Variants in WFDC12 observed in about 807,000 individuals in gnomAD.
The protein encoded by WFDC12 is WAP four-disulfide core domain protein 12.
Under a neutral mutation model 7.3 loss-of-function variants are expected in WFDC12, and 4 were observed. The observed-to-expected ratio is 0.55, with a 90% confidence interval of 0.27 to 1.25. WFDC12 has a LOEUF of 1.25. Among genes scored for constraint, WFDC12 ranks in the 50% most tolerant of loss-of-function variants. The probability of loss-of-function intolerance (pLI) is 0.12; values close to 1 mark genes in which losing one functional copy is unlikely to be tolerated. For missense variants in WFDC12, 156 were observed against 134.4 expected (o/e 1.16, Z -0.80); for synonymous variants, 48 against 49.5 (o/e 0.97, Z 0.13).
Position 45,124,128 on chromosome 20 carries a change from G to C in WFDC12, c.217C>G (p.Pro73Ala), listed in dbSNP as rs199650584. 1.0e-4 allele frequency: 162 copies of C among 1,614,124 alleles called. No homozygotes were observed. The East Asian group carries it at 3.6e-3, about 36-fold the overall frequency. ...TTACCTTCTTCCAGTTCCTTCACAG[G>C]AATCACACACTTGAAGCCACAGTGC... ...YLHCGFKCVIPVKELEEGGNK... is the reference protein window; with the variant it reads ...YLHCGFKCVIAVKELEEGGNK... Residue 73 changes from proline (P) to alanine (A), a missense_variant, in exon 2 of 3, where the codon CCT (proline) becomes GCT (alanine). Transcript: ENST00000372785.
At position 45,123,646 on chromosome 20, in the gene WFDC12, G is replaced by A. The variant is rs1981918784; in HGVS notation, c.*200C>T. On this transcript the variant is annotated 3_prime_UTR_variant, in exon 3 of 3. Transcript: ENST00000372785. ...GGGGTCCATTCATGAGCATTAGGGA[G>A]GAGCACCAGGTAGAGAGGGAAAGTA... 6.5e-6 allele frequency: 4 copies of A among 618,708 alleles called. No individual in the cohort carries two copies. Among genetic ancestry groups the A allele is most frequent in the African/African-American group, 1.8e-5 (1 of 54,292 alleles). 38.3% of individuals were successfully genotyped at this position (618,708 alleles called of 1,614,324 possible).
Position 45,123,691 on chromosome 20 carries a change from T to C in WFDC12, c.*155A>G. The C allele has an allele frequency of 1.2e-6, 1 of 804,428 alleles. No individual in the cohort carries two copies. 49.8% of individuals were successfully genotyped at this position (804,428 alleles called of 1,614,324 possible). Reference sequence around the variant, plus strand: ...AAAGTACCGTCCCTGGGGTCTGGACTTTTTGTGACTCTTCCCTCTTTTTGG... The same window carrying C: ...AAAGTACCGTCCCTGGGGTCTGGACCTTTTGTGACTCTTCCCTCTTTTTGG... On this transcript the variant is annotated 3_prime_UTR_variant, in exon 3 of 3. Transcript: ENST00000372785.
At position 45,123,530 on chromosome 20, in the gene WFDC12, T is replaced by C; in HGVS notation, c.*316A>G. ...ATCTGGTGAGGACCAGTTTCTCTTCTCTGACAGTGCCTTCTAGCTGTGATC... is the reference window on the plus strand; with the variant it reads ...ATCTGGTGAGGACCAGTTTCTCTTCCCTGACAGTGCCTTCTAGCTGTGATC... On this transcript the variant is annotated 3_prime_UTR_variant, in exon 3 of 3. Transcript: ENST00000372785. 2.9e-6 allele frequency: 1 copy of C among 348,230 alleles called. No individual in the cohort carries two copies. The highest frequency in any genetic ancestry group is 3.9e-5 in the South Asian group (1 of 25,492). 21.6% of individuals were successfully genotyped at this position (348,230 alleles called of 1,614,324 possible). A position where few individuals can be genotyped will look rare whatever the true frequency, so the allele number is the denominator to read the frequency against.
In WFDC12 at chr20:45,124,154, A is replaced by C; in HGVS notation, c.191T>G (p.Leu64Arg). 2 of 1,614,202 alleles carry C rather than the reference A, an allele frequency of 1.2e-6. No individual in the cohort carries two copies. The highest frequency in any genetic ancestry group is 1.7e-6 in the Non-Finnish European group (2 of 1,180,038). ...DCLGERKCCY[L>R]HCGFKCVIPV... ...AATCACACACTTGAAGCCACAGTGCAGGTAACAACACTTCCTTTCCCCCAG... is the reference window on the plus strand; with the variant it reads ...AATCACACACTTGAAGCCACAGTGCCGGTAACAACACTTCCTTTCCCCCAG... The change falls in exon 2 of 3, where the codon CTG (leucine) becomes CGG (arginine). Residue 64 changes from leucine (L) to arginine (R), a missense_variant. Leu to Arg is a moderately radical substitution (Grantham distance 102). Transcript: ENST00000372785.
rs1454726401 is a variant in WFDC12, at chr20:45,123,803, G to A, written c.*43C>T. The A allele has an allele frequency of 6.3e-7, 1 of 1,593,202 alleles. No homozygotes were observed. The highest frequency in any genetic ancestry group is 8.6e-7 in the Non-Finnish European group (1 of 1,162,958). On this transcript the variant is annotated 3_prime_UTR_variant, in exon 3 of 3. Coordinates refer to ENST00000372785, the MANE Select transcript of WFDC12 (RefSeq NM_080869.2). Reference sequence around the variant, plus strand: ...CAAGTCTCAGGACCCTCAGGGGCAGGTGCCAAGTGAGAGTGACCCCCAGAG... The same window carrying A: ...CAAGTCTCAGGACCCTCAGGGGCAGATGCCAAGTGAGAGTGACCCCCAGAG...
chr20:45,124,152 G>A lies in WFDC12; in HGVS notation c.193C>T (p.His65Tyr), dbSNP rs1168451134. Residue 65 changes from histidine to tyrosine, a missense_variant, in exon 2 of 3, where the codon CAC becomes TAC. Transcript: ENST00000372785. ...CLGERKCCYL[H>Y]CGFKCVIPVK... is the part of the protein sequence containing the mutation. ...GGAATCACACACTTGAAGCCACAGT[G>A]CAGGTAACAACACTTCCTTTCCCCC... 2 of 1,614,094 alleles carry A rather than the reference G, an allele frequency of 1.2e-6. No homozygotes were observed. Among genetic ancestry groups the A allele is most frequent in the East Asian group, 2.2e-5 (1 of 44,896 alleles).
rs367809590 is a variant in WFDC12, at chr20:45,124,409, G to A, written c.39C>T (p.Leu13=). Residue 13 remains leucine, a synonymous_variant, in exon 1 of 3, where the codon CTC becomes CTT. Transcript: ENST00000372785. The part of the protein sequence containing the change: ...SSSFLVLMVS[L]VLVTLVAVEG... ...CCACAGCCACCAGGGTCACAAGAAC[G>A]AGAGACACCATGAGGACCAAGAAGC... is the stretch of plus-strand genomic sequence containing the variant. The A allele has an allele frequency of 6.1e-5, 99 of 1,614,126 alleles. No homozygotes were observed. In the African/African-American group the frequency reaches 1.1e-3, roughly 18 times the overall value.
At position 45,123,733 on chromosome 20, in the gene WFDC12, C is replaced by G. The variant is rs746543216; in HGVS notation, c.*113G>C. The stretch of plus-strand genomic sequence containing the variant: ...TCTTTTTGGGGAAAAGGACTTCAAG[C>G]TCAGGTTTTCTTTGGTGGGGTTGGG... On this transcript the variant is annotated 3_prime_UTR_variant, in exon 3 of 3. Coordinates refer to ENST00000372785, the MANE Select transcript of WFDC12 (RefSeq NM_080869.2). The G allele has an allele frequency of 7.0e-5, 79 of 1,135,396 alleles. No homozygotes were observed. Among genetic ancestry groups the G allele is most frequent in the Non-Finnish European group, 9.3e-5 (72 of 773,002 alleles). 70.3% of individuals were successfully genotyped at this position (1,135,396 alleles called of 1,614,324 possible).
At position 45,124,236 on chromosome 20, in the gene WFDC12, C is replaced by G; in HGVS notation, c.109G>C (p.Asp37His). The G allele has an allele frequency of 6.2e-7, 1 of 1,614,152 alleles. No individual in the cohort carries two copies. Among genetic ancestry groups the G allele is most frequent in the South Asian group, 1.1e-5 (1 of 91,082 alleles). The change falls in exon 2 of 3, where the codon GAC (aspartate) becomes CAC (histidine). Residue 37 changes from aspartate to histidine, a missense_variant. Physicochemically the swap from Asp to His is moderately conservative, Grantham distance 81. Transcript: ENST00000372785. ...TCGGACTTGAAGCAGCGTACGTTGTCAGCTGGGCAAACCCCTGCTTTCTCT... is the reference window on the plus strand; with the variant it reads ...TCGGACTTGAAGCAGCGTACGTTGTGAGCTGGGCAAACCCCTGCTTTCTCT... ...GIEKAGVCPA[D>H]NVRCFKSDPP...
chr20:45,124,408 CGA>C lies in WFDC12; in HGVS notation c.38_39del (p.Leu13ArgfsTer12). The C allele has an allele frequency of 6.2e-7, 1 of 1,614,176 alleles. No homozygotes were observed. The highest frequency in any genetic ancestry group is 8.5e-7 in the Non-Finnish European group (1 of 1,180,038). ...SSSFLVLMVS[L>X]VLVTLVAVEG... Reference sequence around the variant, plus strand: ...TCCACAGCCACCAGGGTCACAAGAACGAGAGACACCATGAGGACCAAGAAGCT... The same window carrying C: ...TCCACAGCCACCAGGGTCACAAGAACGAGACACCATGAGGACCAAGAAGCT... On this transcript the variant is annotated frameshift_variant, in exon 1 of 3. Transcript: ENST00000372785. LOFTEE classifies it high-confidence loss of function.
rs1981926868 is a variant in WFDC12 at position 45,123,955 on chromosome 20, G to A, written c.239-12C>T. 1 of 1,605,800 alleles carries A rather than the reference G, an allele frequency of 6.2e-7. No individual in the cohort carries two copies. Among genetic ancestry groups the A allele is most frequent in the Non-Finnish European group, 8.5e-7 (1 of 1,175,698 alleles). On this transcript the variant is annotated splice_polypyrimidine_tract_variant and intron_variant, in intron 2 of 2. Coordinates refer to ENST00000372785, the MANE Select transcript of WFDC12 (RefSeq NM_080869.2). The stretch of plus-strand genomic sequence containing the variant: ...ATCCTTGTTTCCTCCTTTGGACAAT[G>A]GAGATGTTCAGACTAGGTGGTCTCT...
Position 45,124,279 on chromosome 20 carries a change from C to A in WFDC12, c.80-14G>T. Reference sequence around the variant, plus strand: ...CTTTCTCTATACCTAGTGGAGGAAGCCACAAGGTGATATGAGAACTCCAGC... The same window carrying A: ...CTTTCTCTATACCTAGTGGAGGAAGACACAAGGTGATATGAGAACTCCAGC... On this transcript the variant is annotated splice_polypyrimidine_tract_variant and intron_variant, in intron 1 of 2. Coordinates refer to ENST00000372785, the MANE Select transcript of WFDC12 (RefSeq NM_080869.2). The A allele has an allele frequency of 1.2e-6, 2 of 1,614,052 alleles. No individual in the cohort carries two copies. Among genetic ancestry groups the A allele is most frequent in the Non-Finnish European group, 1.7e-6 (2 of 1,179,950 alleles).
Position 45,124,189 on chromosome 20 carries a change from G to A in WFDC12, c.156C>T (p.Asp52=). Residue 52 remains aspartate, a synonymous_variant, in exon 2 of 3, where the codon GAC becomes GAT. Transcript: ENST00000372785. Reference sequence around the variant, plus strand: ...ACTTCCTTTCCCCCAGACAGTCCTGGTCTGTGTGACACTGGGGAGGATCGG... The same window carrying A: ...ACTTCCTTTCCCCCAGACAGTCCTGATCTGTGTGACACTGGGGAGGATCGG... ...FKSDPPQCHT[D]QDCLGERKCC... 6.2e-7 allele frequency: 1 copy of A among 1,614,178 alleles called. No individual in the cohort carries two copies. The highest frequency in any genetic ancestry group is 8.5e-7 in the Non-Finnish European group (1 of 1,180,042).
At position 45,124,390 on chromosome 20, in the gene WFDC12, C is replaced by T; in HGVS notation, c.58G>A (p.Ala20Thr). The change falls in exon 1 of 3, where the codon GCT (alanine) becomes ACT (threonine). Residue 20 changes from alanine (A) to threonine (T), a missense_variant. Ala to Thr is a moderately conservative substitution (Grantham distance 58). Coordinates refer to ENST00000372785, the MANE Select transcript of WFDC12 (RefSeq NM_080869.2). ...MVSLVLVTLV[A>T]VEGVKEGIEK... ...TCACCCTCTTTAACTCCTTCCACAGCCACCAGGGTCACAAGAACGAGAGAC... is the reference window on the plus strand; with the variant it reads ...TCACCCTCTTTAACTCCTTCCACAGTCACCAGGGTCACAAGAACGAGAGAC... 1 of 1,614,242 alleles carries T rather than the reference C, an allele frequency of 6.2e-7. No individual in the cohort carries two copies. The highest frequency in any genetic ancestry group is 8.5e-7 in the Non-Finnish European group (1 of 1,180,048).
At position 45,123,541 on chromosome 20, in the gene WFDC12, C is replaced by T; in HGVS notation, c.*305G>A. ...ACCAGTTTCTCTTCTCTGACAGTGC[C>T]TTCTAGCTGTGATCACACATTGCAG... On this transcript the variant is annotated 3_prime_UTR_variant, in exon 3 of 3. Transcript: ENST00000372785. The T allele has an allele frequency of 2.5e-6, 1 of 398,898 alleles. No individual in the cohort carries two copies. Among genetic ancestry groups the T allele is most frequent in the South Asian group, 3.1e-5 (1 of 32,602 alleles). 24.7% of individuals were successfully genotyped at this position (398,898 alleles called of 1,614,324 possible).
chr20:45,124,238 G>A lies in WFDC12; in HGVS notation c.107C>T (p.Ala36Val), dbSNP rs2145536228. 1 of 1,614,196 alleles carries A rather than the reference G, an allele frequency of 6.2e-7. No homozygotes were observed. The highest frequency in any genetic ancestry group is 2.2e-5 in the East Asian group (1 of 44,882). ...EGIEKAGVCPADNVRCFKSDP... is the reference protein window; with the variant it reads ...EGIEKAGVCPVDNVRCFKSDP... Reference sequence around the variant, plus strand: ...GGACTTGAAGCAGCGTACGTTGTCAGCTGGGCAAACCCCTGCTTTCTCTAT... The same window carrying A: ...GGACTTGAAGCAGCGTACGTTGTCAACTGGGCAAACCCCTGCTTTCTCTAT... Residue 36 changes from alanine to valine, a missense_variant, in exon 2 of 3, where the codon GCT becomes GTT. By Grantham distance (64) the Ala-to-Val change is moderately conservative (BLOSUM62 0). Coordinates refer to ENST00000372785, the MANE Select transcript of WFDC12 (RefSeq NM_080869.2).
chr20:45,123,888 G>A lies in WFDC12; in HGVS notation c.294C>T (p.Ala98=). 1 of 1,613,514 alleles carries A rather than the reference G, an allele frequency of 6.2e-7. No homozygotes were observed. The highest frequency in any genetic ancestry group is 1.7e-5 in the Admixed American group (1 of 60,012). ...TGGTAGAGGAGGAGCCTGGACACTT[G>A]GCCTCCCATCCTGGCTCAGGGTATG... The part of the protein sequence containing the change: ...SRPYPEPGWE[A]KCPGSSSTRC... The change falls in exon 3 of 3, where the codon GCC becomes GCT. Residue 98 remains alanine (A), a synonymous_variant. Transcript: ENST00000372785.
chr20:45,123,726 C>T lies in WFDC12; in HGVS notation c.*120G>A. On this transcript the variant is annotated 3_prime_UTR_variant, in exon 3 of 3. Coordinates refer to ENST00000372785, the MANE Select transcript of WFDC12 (RefSeq NM_080869.2). Reference sequence around the variant, plus strand: ...TCTTCCCTCTTTTTGGGGAAAAGGACTTCAAGCTCAGGTTTTCTTTGGTGG... The same window carrying T: ...TCTTCCCTCTTTTTGGGGAAAAGGATTTCAAGCTCAGGTTTTCTTTGGTGG... The T allele has an allele frequency of 9.2e-7, 1 of 1,085,760 alleles. No homozygotes were observed. Among genetic ancestry groups the T allele is most frequent in the Non-Finnish European group, 1.4e-6 (1 of 732,604 alleles). The allele number at this position is 1,085,760 out of a possible 1,614,324, so 67.3% of individuals were successfully genotyped here.
At chr20:45,124,341 C>T in intron 1 of WFDC12, 28 bp downstream of exon 1, 7 of 1,614,214 alleles carry the variant, frequency 4.3e-6, no homozygotes, top group Middle Eastern at 1.6e-4. Context: ...CCAGCCCAGC[C>T]CCACCCAGCT....
Sources: allele counts gnomAD v4.1 joint callset, GRCh38; gene constraint gnomAD v4.1.1; transcripts MANE v1.5; gene names NCBI Gene and HGNC (gene_info 2026-07-23, HGNC 2026-07-21).